CAPZA1: variants seen among roughly 807,000 people sequenced by gnomAD.
CAPZA1 encodes F-actin-capping protein subunit alpha-1.
CAPZA1 carries 10 observed loss-of-function variants against 40.8 expected under a neutral mutation model. The ratio of observed to expected loss-of-function variants is 0.25; its 90% CI spans 0.15 to 0.42. CAPZA1 has a LOEUF of 0.42. Ranked by LOEUF, CAPZA1 falls within the 10% of genes least tolerant of loss-of-function variation. CAPZA1 has a pLI of 1.00. For synonymous variants in CAPZA1, 98 were observed against 115.0 expected (o/e 0.85, Z 0.95); for missense variants, 277 against 353.8 (o/e 0.78, Z 1.74).
chr1:112,662,399 T>TC (rs1207813421), intron 7 of CAPZA1, among the ~76,000 whole-genome samples: 123 of 138,568 alleles, frequency 8.9e-4, no homozygotes, highest in Non-Finnish European at 1.4e-3. Context: ...ATTTTTCTTT[T>TC]TTTTTTTTTT....
chr1:112,621,524 T>C (rs1670663619), intron 1 of CAPZA1, among the ~76,000 whole-genome samples: 1 of 152,142 alleles, frequency 6.6e-6, no homozygotes, highest in Non-Finnish European at 1.5e-5. Flanking sequence ...AGTGCTGGGA[T>C]TACAGGCGTA....
At chr1:112,646,307 C>T (rs757349030) in intron 1 of CAPZA1, among the ~76,000 whole-genome samples, 2 of 152,146 alleles carry the variant, frequency 1.3e-5, no homozygotes, top group Admixed American at 6.5e-5. Flanking sequence ...AGGGCAGGCA[C>T]GGTGGCTCAC....
intron 1 of CAPZA1, among the ~76,000 whole-genome samples, chr1:112,646,529 A>G (rs772962732): frequency 3.3e-5 from 5 of 152,216 alleles, no homozygotes; most frequent in Admixed American, 6.5e-5. Context: ...GTAAGCCTTG[A>G]TCATGCCACT....
intron 1 of CAPZA1, among the ~76,000 whole-genome samples, chr1:112,635,828 G>A (rs12408028): frequency 2.0e-5 from 3 of 152,074 alleles, no homozygotes; most frequent in Non-Finnish European, 2.9e-5. Context: ...TCAGGAGTTC[G>A]AGACCAGCCT....
intron 4 of CAPZA1, 80 bp downstream of exon 4, chr1:112,653,741 C>T: frequency 1.1e-6 from 1 of 914,680 alleles, no homozygotes; most frequent in Non-Finnish European, 1.7e-6. Context: ...GATGTCTGAA[C>T]CAGGTGCTGA....
At chr1:112,636,999 A>G (rs1231729644) in intron 1 of CAPZA1, among the ~76,000 whole-genome samples, 1 of 152,198 alleles carries the variant, frequency 6.6e-6, no homozygotes, top group Non-Finnish European at 1.5e-5. Context: ...GCTTTGACTC[A>G]ATTCTTGGTT....
chr1:112,652,565 A>C (rs898565488), intron 3 of CAPZA1, among the ~76,000 whole-genome samples: 1 of 151,690 alleles, frequency 6.6e-6, no homozygotes, highest in Admixed American at 6.6e-5. Context: ...AGTTTTAACC[A>C]CTGCTTAAAA....
intron 1 of CAPZA1, among the ~76,000 whole-genome samples, chr1:112,638,873 G>A (rs866258223): frequency 6.4e-5 from 9 of 139,594 alleles, no homozygotes; most frequent in Non-Finnish European, 8.9e-5. Flanking sequence ...ACTGCACTCC[G>A]GCCTGGGCAA....
chr1:112,638,119 G>A (rs1005913539), intron 1 of CAPZA1, among the ~76,000 whole-genome samples: 6 of 152,154 alleles, frequency 3.9e-5, no homozygotes, highest in Non-Finnish European at 8.8e-5. Context: ...TTATATATGG[G>A]AGTTAGGGAA....
chr1:112,647,112 TCAAGGGA>T, intron 1 of CAPZA1, 91 bp from the exon 2 acceptor site: 2 of 576,244 alleles, frequency 3.5e-6, no homozygotes, highest in Admixed American at 3.0e-5. Flanking sequence ...AACATTTTTT[TCAAGGGA>T]TATGATGAAA....
Position 112,659,116 on chromosome 1 carries a change from T to TA in CAPZA1, c.506+15_506+16insA. ...AAAAACTTCTGGTAAGAAGTAGATA[T>TA]TCTCTTCTATTTACATCTGAAAGAA... is the stretch of plus-strand genomic sequence containing the variant. On this transcript the variant is annotated intron_variant, in intron 6 of 9. Coordinates refer to ENST00000263168, the MANE Select transcript of CAPZA1 (RefSeq NM_006135.3). 6.5e-7 allele frequency: 1 copy of TA among 1,542,254 alleles called. No homozygotes were observed. The highest frequency in any genetic ancestry group is 9.0e-7 in the Non-Finnish European group (1 of 1,115,030).
Position 112,671,178 on chromosome 1 carries a change from G to A in CAPZA1, c.*1046G>A, listed in dbSNP as rs1006655493. On this transcript the variant is annotated 3_prime_UTR_variant, in exon 10 of 10. Coordinates refer to ENST00000263168, the MANE Select transcript of CAPZA1 (RefSeq NM_006135.3). Reference sequence around the variant, plus strand: ...ACTTCTTTCAAATTACTCTTCCTCAGTCCTGCCTGCCAAGAACTCAAGTGT... The same window carrying A: ...ACTTCTTTCAAATTACTCTTCCTCAATCCTGCCTGCCAAGAACTCAAGTGT... The A allele has an allele frequency of 6.6e-6, 1 of 152,540 alleles. No homozygotes were observed. Among genetic ancestry groups the A allele is most frequent in the African/African-American group, 2.4e-5 (1 of 41,404 alleles). 9.4% of individuals were successfully genotyped at this position (152,540 alleles called of 1,614,324 possible). A position where few individuals can be genotyped will look rare whatever the true frequency, so the allele number is the denominator to read the frequency against.
chr1:112,624,627 AAAAAG>A (rs1670761736), intron 1 of CAPZA1, among the ~76,000 whole-genome samples: 2 of 150,344 alleles, frequency 1.3e-5, no homozygotes, highest in Non-Finnish European at 3.0e-5. Flanking sequence ...AAAAAAAAAA[AAAAAG>A]AGGTATTATG....
At chr1:112,626,338 A>G (rs1274727150) in intron 1 of CAPZA1, 1 of 152,110 alleles carries the variant, frequency 6.6e-6, no homozygotes, top group Non-Finnish European at 1.5e-5. Flanking sequence ...TCACACGTGT[A>G]ATCCCAATAC....
Position 112,627,636 on chromosome 1 carries a change from C to CAAAAAAAA in CAPZA1, c.39+7776_39+7783dup, listed in dbSNP as rs3034524. Among the ~76,000 whole-genome samples the CAAAAAAAA allele has an allele frequency of 3.0e-4, 15 of 50,776 alleles. 1 individual carries two copies. Among genetic ancestry groups the CAAAAAAAA allele is most frequent in the African/African-American group, 1.2e-3 (14 of 12,146 alleles). 33.3% of individuals were successfully genotyped at this position (50,776 alleles called of 152,430 possible). A position where few individuals can be genotyped will look rare whatever the true frequency, so the allele number is the denominator to read the frequency against. ...TGGCCGACAGTGCGAGACTCTGTCT[C>CAAAAAAAA]AAAAAAAAAAAAAAAAAAAAAAAAA... On this transcript the variant is annotated intron_variant, in intron 1 of 9. Coordinates refer to ENST00000263168, the MANE Select transcript of CAPZA1 (RefSeq NM_006135.3).
chr1:112,669,738 C>A, intron 9 of CAPZA1, 133 bp downstream of exon 9: 3 of 795,584 alleles, frequency 3.8e-6, no homozygotes, highest in Non-Finnish European at 6.1e-6. Context: ...GGAGACTTTG[C>A]AGACCTTCCA....
intron 1 of CAPZA1, among the ~76,000 whole-genome samples, chr1:112,623,458 A>G (rs1670725230): frequency 6.6e-6 from 1 of 152,154 alleles, no homozygotes; most frequent in Non-Finnish European, 1.5e-5. Flanking sequence ...AGGCAGGTGC[A>G]TCATCTGAGG....
At chr1:112,645,993 G>A (rs1339422236) in intron 1 of CAPZA1, among the ~76,000 whole-genome samples, 5 of 151,868 alleles carry the variant, frequency 3.3e-5, no homozygotes, top group Admixed American at 2.0e-4. Flanking sequence ...CAGGAAAATG[G>A]GCACAGACGA....
intron 1 of CAPZA1, among the ~76,000 whole-genome samples, chr1:112,632,676 A>G (rs1392897887): frequency 6.6e-6 from 1 of 152,206 alleles, no homozygotes; most frequent in Non-Finnish European, 1.5e-5. Context: ...TGCTTTAGTA[A>G]ATAGTCAAGT....
Sources: gnomAD v4.1 joint callset for allele counts (sites outside exome capture counted in the v4.1 genomes callset) on GRCh38, gnomAD v4.1.1 for gene constraint, MANE v1.5 for transcripts, NCBI Gene and HGNC (gene_info 2026-07-23, HGNC 2026-07-21) for gene names.